The following MRPL48 variants were observed in gnomAD, a reference collection of about 807,000 sequenced individuals.
The protein encoded by MRPL48 is large ribosomal subunit protein mL48.
MRPL48 carries 16 observed loss-of-function variants against 32.9 expected under a neutral mutation model. The observed-to-expected ratio is 0.49, with a 90% CI of 0.33 to 0.74. The LOEUF (loss-of-function observed/expected upper bound fraction) is 0.74. Among genes scored for constraint, MRPL48 ranks in the 30% least tolerant of loss-of-function variants. The pLI, the probability that MRPL48 is intolerant of heterozygous loss-of-function variation, is 0.02. For synonymous variants in MRPL48, 94 were observed against 89.2 expected, an observed-to-expected ratio of 1.05 and a Z score of -0.31; for missense variants, 206 against 245.3, an observed-to-expected ratio of 0.84 and a Z score of 1.07.
chr11:73,824,144 G>A (rs532654057), intron 3 of MRPL48, among the ~76,000 whole-genome samples: 17 of 151,412 alleles, frequency 1.1e-4, no homozygotes, highest in African/African-American at 3.6e-4. Context: ...ATGAGCCACC[G>A]CACCTGGCCA....
intron 5 of MRPL48, among the ~76,000 whole-genome samples, chr11:73,859,379 T>C (rs1948542926): frequency 6.6e-6 from 1 of 152,010 alleles, no homozygotes; most frequent in South Asian, 2.1e-4. Flanking sequence ...CCTCCTGTGT[T>C]CAAACAATCT....
intron 3 of MRPL48, among the ~76,000 whole-genome samples, chr11:73,823,527 G>A (rs1484816651): frequency 6.6e-6 from 1 of 151,924 alleles, no homozygotes; most frequent in Non-Finnish European, 1.5e-5. Context: ...TTTAAACTCA[G>A]GTCTATCTGA....
At position 73,844,849 on chromosome 11, in the gene MRPL48, T is replaced by A. The variant is rs199741536; in HGVS notation, c.244T>A (p.Leu82Met). 118 of 1,613,646 alleles carry A rather than the reference T, an allele frequency of 7.3e-5. No homozygotes were observed. The highest frequency in any genetic ancestry group is 9.3e-5 in the Non-Finnish European group (110 of 1,179,840). Residue 82 changes from leucine (L) to methionine (M), a missense_variant, in exon 5 of 8, where the codon TTG becomes ATG. Physicochemically the swap from Leu to Met is conservative, Grantham distance 15 (BLOSUM62 2). Transcript: ENST00000310614. ...KGKVEVRAIN[L>M]GTDYEYGVLN... ...AAAAGTGGAAGTGAGAGCCATTAATTTGGGGACAGATTATGAATATGGGGT... is the reference window on the plus strand; with the variant it reads ...AAAAGTGGAAGTGAGAGCCATTAATATGGGGACAGATTATGAATATGGGGT...
At chr11:73,857,587 C>CTTTTT (rs56265503) in intron 5 of MRPL48, among the ~76,000 whole-genome samples, 6 of 88,634 alleles carry the variant, frequency 6.8e-5, no homozygotes, top group South Asian at 3.9e-4. Context: ...GCCGCATAGA[C>CTTTTT]TTTTTTTTTT....
chr11:73,791,876 G>A (rs1947160629), intron 1 of MRPL48, among the ~76,000 whole-genome samples: 1 of 152,154 alleles, frequency 6.6e-6, no homozygotes, highest in Non-Finnish European at 1.5e-5. Context: ...TCTTAATTCA[G>A]TGCTCCTTCC....
At chr11:73,825,098 A>G (rs1427740175) in intron 3 of MRPL48, among the ~76,000 whole-genome samples, 1 of 152,124 alleles carries the variant, frequency 6.6e-6, no homozygotes, top group Non-Finnish European at 1.5e-5. Flanking sequence ...TCTGTTACGT[A>G]TGCTTTGTAC....
At chr11:73,856,296 T>C (rs542080267) in intron 5 of MRPL48, among the ~76,000 whole-genome samples, 4 of 152,272 alleles carry the variant, frequency 2.6e-5, no homozygotes, top group Non-Finnish European at 5.9e-5. Flanking sequence ...GAGATGAAAT[T>C]ATTTTCTTCT....
intron 3 of MRPL48, among the ~76,000 whole-genome samples, chr11:73,825,091 G>A (rs1427665630): frequency 9.9e-5 from 15 of 152,110 alleles, no homozygotes; most frequent in Non-Finnish European, 1.5e-5. Flanking sequence ...GCATTTCTCT[G>A]TTACGTATGC....
At chr11:73,825,284 A>ATGTGTG (rs66515925) in intron 3 of MRPL48, among the ~76,000 whole-genome samples, 83 of 139,906 alleles carry the variant, frequency 5.9e-4, no homozygotes, top group South Asian at 4.5e-3. Flanking sequence ...TTTTTTATAT[A>ATGTGTG]TGTGTGTGTG....
intron 5 of MRPL48, among the ~76,000 whole-genome samples, chr11:73,848,510 G>A (rs1233366045): frequency 1.5e-5 from 2 of 134,664 alleles, no homozygotes; most frequent in South Asian, 2.3e-4. Context: ...TTTTAGGATT[G>A]TGTTGAATCT....
At chr11:73,822,806 C>T (rs1010194039) in intron 3 of MRPL48, among the ~76,000 whole-genome samples, 1 of 152,194 alleles carries the variant, frequency 6.6e-6, no homozygotes, top group Non-Finnish European at 1.5e-5. Context: ...AGGGAAGCTT[C>T]ATCTGTATTT....
chr11:73,788,734 A>G (rs1049622000), intron 1 of MRPL48, among the ~76,000 whole-genome samples: 1 of 151,954 alleles, frequency 6.6e-6, no homozygotes, highest in African/African-American at 2.4e-5. Context: ...GGCCTCCCAA[A>G]GTGCCGGGAT....
intron 4 of MRPL48, among the ~76,000 whole-genome samples, chr11:73,827,013 T>C (rs1210241007): frequency 2.6e-5 from 4 of 151,476 alleles, no homozygotes; most frequent in African/African-American, 7.3e-5. Flanking sequence ...CGACCTCAGG[T>C]GATCTGCCTG....
At chr11:73,809,482 C>T (rs1446919761) in intron 3 of MRPL48, among the ~76,000 whole-genome samples, 6 of 144,572 alleles carry the variant, frequency 4.2e-5, no homozygotes, top group South Asian at 4.4e-4. Context: ...CCAGCCTGGG[C>T]GACAGAGCGA....
intron 3 of MRPL48, among the ~76,000 whole-genome samples, chr11:73,808,680 G>C (rs1026465166): frequency 6.6e-6 from 1 of 152,214 alleles, no homozygotes; most frequent in African/African-American, 2.4e-5. Flanking sequence ...CCAGCACTTT[G>C]GGAGGCCGAG....
At chr11:73,852,308 C>T (rs994548286) in intron 5 of MRPL48, among the ~76,000 whole-genome samples, 1 of 133,936 alleles carries the variant, frequency 7.5e-6, no homozygotes, top group Non-Finnish European at 1.5e-5. Context: ...GCTCTGCCCA[C>T]AGAATGGGAG....
chr11:73,857,042 A>G (rs1019451541), intron 5 of MRPL48, among the ~76,000 whole-genome samples: 6 of 152,088 alleles, frequency 3.9e-5, no homozygotes, highest in African/African-American at 1.4e-4. Context: ...TATTCGGCAC[A>G]TACCTATTAT....
chr11:73,830,857 CTTTCT>C (rs1473379368), intron 4 of MRPL48, among the ~76,000 whole-genome samples: 6 of 151,080 alleles, frequency 4.0e-5, no homozygotes, highest in African/African-American at 9.7e-5. Flanking sequence ...TTCTTTCTTT[CTTTCT>C]TTTTTTTTTG....
chr11:73,818,248 A>G (rs914115256), intron 3 of MRPL48, among the ~76,000 whole-genome samples: 5 of 152,198 alleles, frequency 3.3e-5, no homozygotes, highest in African/African-American at 4.8e-5. Context: ...CAGCTGCTCT[A>G]TCCAAGGAGG....
Sources: gnomAD v4.1 joint callset for allele counts (sites outside exome capture counted in the v4.1 genomes callset) on GRCh38, gnomAD v4.1.1 for gene constraint, MANE v1.5 for transcripts, NCBI Gene and HGNC (gene_info 2026-07-23, HGNC 2026-07-21) for gene names.